LELP1: variants seen among roughly 807,000 people sequenced by gnomAD.
LELP1 encodes late cornified envelope like proline rich 1, also known as late cornified envelope-like proline-rich protein 1.
Under a neutral mutation model 0.3 loss-of-function variants are expected in LELP1, and 1 was observed. The ratio of observed to expected loss-of-function variants is 2.87; its 90% CI spans 1.02 to 13.63. The LOEUF is 13.63. LELP1 is among the 30% of genes most tolerant of loss of function. The pLI is 0.12. For missense variants in LELP1, 122 were observed against 118.7 expected (o/e 1.03, Z -0.13); for synonymous variants, 57 against 45.9 (o/e 1.24, Z -0.97).
chr1:153,204,814 T>G lies in LELP1; in HGVS notation c.107T>G (p.Leu36Ter). The G allele has an allele frequency of 6.2e-7, 1 of 1,614,212 alleles. No individual in the cohort carries two copies. The highest frequency in any genetic ancestry group is 1.6e-4 in the Middle Eastern group (1 of 6,062). Reference sequence around the variant, plus strand: ...GAGTCCAAATGCCAGCCCAGCTGTTTAAAGAAGCTGCTGCAACGCTGTTTC... The same window carrying G: ...GAGTCCAAATGCCAGCCCAGCTGTTGAAAGAAGCTGCTGCAACGCTGTTTC... Reference protein sequence around the residue: ...KCESKCQPSCLKKLLQRCFEK... With the variant: ...KCESKCQPSC The change falls in exon 2 of 2, where the codon TTA (leucine) becomes TGA (stop). Residue 36 changes from leucine (L) to a stop codon, truncating the protein, a stop_gained. Transcript: ENST00000368747. LOFTEE classifies it low-confidence loss of function (END_TRUNC).
intron 1 of LELP1, among the ~76,000 whole-genome samples, chr1:153,204,174 A>G (rs1657704787): frequency 6.6e-6 from 1 of 152,164 alleles, no homozygotes; most frequent in Admixed American, 6.5e-5. Flanking sequence ...CAGGGAACTT[A>G]GGTGGGACAC....
rs1657694459 is a variant in LELP1 at position 153,203,539 on chromosome 1, G to C, written c.-22+8G>C. ...CACCACCAACACAGAGGGGTAAGTT[G>C]CATTTGGACAGGTGGAAGTGGCCAC... On this transcript the variant is annotated splice_region_variant and intron_variant, in intron 1 of 1. Coordinates refer to ENST00000368747, the MANE Select transcript of LELP1 (RefSeq NM_001010857.3). The C allele has an allele frequency of 6.6e-6, 1 of 152,110 alleles. No homozygotes were observed. Among genetic ancestry groups the C allele is most frequent in the South Asian group, 2.1e-4 (1 of 4,820 alleles). 9.4% of individuals were successfully genotyped at this position (152,110 alleles called of 1,614,324 possible).
In LELP1 at chr1:153,204,719, T is replaced by C. The variant is rs1190442045; in HGVS notation, c.12T>C (p.Asp4=). The C allele has an allele frequency of 2.5e-6, 4 of 1,613,656 alleles. No individual in the cohort carries two copies. The highest frequency in any genetic ancestry group is 3.4e-6 in the Non-Finnish European group (4 of 1,179,644). ...ATAATCAAGAAACAATGTCGAGTGA[T>C]GATAAAAGTAAATCAAATGACCCCA... The part of the protein sequence containing the change: MSS[D]DKSKSNDPKT... The change falls in exon 2 of 2, where the codon GAT becomes GAC. Residue 4 remains aspartate (D), a synonymous_variant. Coordinates refer to ENST00000368747, the MANE Select transcript of LELP1 (RefSeq NM_001010857.3).
At chr1:153,204,416 G>A (rs561921170) in intron 1 of LELP1, among the ~76,000 whole-genome samples, 1 of 152,286 alleles carries the variant, frequency 6.6e-6, no homozygotes, top group African/African-American at 2.4e-5. Context: ...AGTGGGGTGG[G>A]GGAGGTGGGG....
chr1:153,204,588 A>C, intron 1 of LELP1, 99 bp from the exon 2 acceptor site: 2 of 830,044 alleles, frequency 2.4e-6, no homozygotes, highest in Non-Finnish European at 3.9e-6. Context: ...CTAGAGCCTG[A>C]ATGCATCTCA....
In LELP1 at chr1:153,204,803, GC is replaced by G; in HGVS notation, c.99del (p.Ser34AlafsTer3). The G allele has an allele frequency of 6.2e-7, 1 of 1,614,176 alleles. No individual in the cohort carries two copies. Among genetic ancestry groups the G allele is most frequent in the Non-Finnish European group, 8.5e-7 (1 of 1,180,020 alleles). On this transcript the variant is annotated frameshift_variant, in exon 2 of 2. Coordinates refer to ENST00000368747, the MANE Select transcript of LELP1 (RefSeq NM_001010857.3). LOFTEE classifies it low-confidence loss of function (END_TRUNC). ...CEQKCESKCQ[P>X]SCLKKLLQRC... is the part of the protein sequence containing the mutation. Reference sequence around the variant, plus strand: ...AACAAAAGTGTGAGTCCAAATGCCAGCCCAGCTGTTTAAAGAAGCTGCTGCA... The same window carrying G: ...AACAAAAGTGTGAGTCCAAATGCCAGCCAGCTGTTTAAAGAAGCTGCTGCA...
intron 1 of LELP1, 144 bp from the exon 2 acceptor site, chr1:153,204,543 A>G: frequency 1.5e-5 from 10 of 677,058 alleles, no homozygotes; most frequent in South Asian, 1.4e-4. Context: ...TCAAACTCAT[A>G]CAAGGATGAG....
At chr1:153,204,175 G>A (rs1313018036) in intron 1 of LELP1, among the ~76,000 whole-genome samples, 2 of 152,158 alleles carry the variant, frequency 1.3e-5, no homozygotes, top group African/African-American at 4.8e-5. Context: ...AGGGAACTTA[G>A]GTGGGACACA....
At chr1:153,204,638 C>T (rs1349536401) in intron 1 of LELP1, 49 bp from the exon 2 acceptor site, 10 of 1,302,036 alleles carry the variant, frequency 7.7e-6, no homozygotes, top group Non-Finnish European at 1.1e-5. Context: ...CTGTAAGAAG[C>T]CTGTAGGTAT....
In LELP1 at chr1:153,204,624, T is replaced by G. The variant is rs551172862; in HGVS notation, c.-21-63T>G. 5 of 1,188,074 alleles carry G rather than the reference T, an allele frequency of 4.2e-6. No homozygotes were observed. In the African/African-American group the frequency reaches 7.5e-5, roughly 18 times the overall value. 73.6% of individuals were successfully genotyped at this position (1,188,074 alleles called of 1,614,324 possible). On this transcript the variant is annotated intron_variant, in intron 1 of 1. Coordinates refer to ENST00000368747, the MANE Select transcript of LELP1 (RefSeq NM_001010857.3). The stretch of plus-strand genomic sequence containing the variant: ...GGGAAGACTTTCTTAAGTACAAGGA[T>G]AAGCTGTAAGAAGCCTGTAGGTATC...
Position 153,204,800 on chromosome 1 carries a change from C to G in LELP1, c.93C>G (p.Cys31Trp), listed in dbSNP as rs748663720. 6.2e-7 allele frequency: 1 copy of G among 1,614,126 alleles called. No homozygotes were observed. The highest frequency in any genetic ancestry group is 2.2e-5 in the East Asian group (1 of 44,882). The change falls in exon 2 of 2, where the codon TGC becomes TGG. Residue 31 changes from cysteine to tryptophan, a missense_variant. Cys to Trp is a radical substitution (Grantham distance 215). Transcript: ENST00000368747. ...GTGAACAAAAGTGTGAGTCCAAATG[C>G]CAGCCCAGCTGTTTAAAGAAGCTGC... is the stretch of plus-strand genomic sequence containing the variant. Reference protein sequence around the residue: ...PKCEQKCESKCQPSCLKKLLQ... With the variant: ...PKCEQKCESKWQPSCLKKLLQ...
chr1:153,203,620 G>A (rs1023864799), intron 1 of LELP1, 89 bp downstream of exon 1: 1 of 152,146 alleles, frequency 6.6e-6, no homozygotes, highest in African/African-American at 2.4e-5. Context: ...ACTGAGCAGG[G>A]TTGGGAAAGT....
chr1:153,204,679 C>A lies in LELP1; in HGVS notation c.-21-8C>A, dbSNP rs779549824. 3 of 1,602,726 alleles carry A rather than the reference C, an allele frequency of 1.9e-6. No individual in the cohort carries two copies. Among genetic ancestry groups the A allele is most frequent in the Non-Finnish European group, 8.5e-7 (1 of 1,170,290 alleles). ...CCCACCTACAATGCATCTCATATTT[C>A]TTTGCAGGGCTCAGATAATCAAGAA... On this transcript the variant is annotated splice_polypyrimidine_tract_variant and splice_region_variant and intron_variant, in intron 1 of 1. Transcript: ENST00000368747.
rs149899126 is a variant in LELP1, at chr1:153,205,001, G to A, written c.294G>A (p.Glu98=). Residue 98 remains glutamate, a synonymous_variant, in exon 2 of 2, where the codon GAG becomes GAA. Coordinates refer to ENST00000368747, the MANE Select transcript of LELP1 (RefSeq NM_001010857.3). ...GCCCACCTCCCTGCCCTCCCCCAGA[G>A]TGAGGCACTGTGGGCACTACCCAAC... ...HACPPPCPPP[E] 5.0e-5 allele frequency: 81 copies of A among 1,610,276 alleles called. No homozygotes were observed. The African/African-American group carries it at 8.5e-4, about 17-fold the overall frequency.
At chr1:153,203,750 A>G (rs530675783) in intron 1 of LELP1, among the ~76,000 whole-genome samples, 2 of 152,374 alleles carry the variant, frequency 1.3e-5, no homozygotes, top group African/African-American at 2.4e-5. Flanking sequence ...CCAGAGAGCT[A>G]TACTGATTTT....
chr1:153,204,864 C>T lies in LELP1; in HGVS notation c.157C>T (p.Pro53Ser). The change falls in exon 2 of 2, where the codon CCA becomes TCA. Residue 53 changes from proline (P) to serine (S), a missense_variant. Transcript: ENST00000368747. ...CGAAAAGTGCCCATGGGAAAAGTGT[C>T]CAGCACCACCCAAGTGCCTGCCCTG... ...CFEKCPWEKC[P>S]APPKCLPCPS... The T allele has an allele frequency of 6.2e-7, 1 of 1,614,154 alleles. No homozygotes were observed.
intron 1 of LELP1, among the ~76,000 whole-genome samples, chr1:153,204,463 CTA>C (rs1444872565): frequency 6.6e-6 from 1 of 152,112 alleles, no homozygotes; most frequent in African/African-American, 2.4e-5. Context: ...CTACTAGAGT[CTA>C]TAGCATGGAA....
At chr1:153,204,224 T>A (rs1053989082) in intron 1 of LELP1, among the ~76,000 whole-genome samples, 10 of 152,202 alleles carry the variant, frequency 6.6e-5, no homozygotes, top group Non-Finnish European at 1.0e-4. Flanking sequence ...AGTCTGCTAG[T>A]GTACCTCCCA....
intron 1 of LELP1, among the ~76,000 whole-genome samples, chr1:153,204,058 C>CAA (rs1657703646): frequency 6.6e-6 from 1 of 152,286 alleles, no homozygotes; most frequent in South Asian, 2.1e-4. Context: ...TGGATGGAGA[C>CAA]AAAGGAGTGG....
Sources: allele counts gnomAD v4.1 joint callset (sites outside exome capture counted in the v4.1 genomes callset), GRCh38; gene constraint gnomAD v4.1.1; transcripts MANE v1.5; gene names NCBI Gene and HGNC (gene_info 2026-07-23, HGNC 2026-07-21).